Variants in CSMD1 observed in about 807,000 individuals in gnomAD.
CSMD1 encodes the protein CUB and sushi domain-containing protein 1.
Under a neutral mutation model 417.5 loss-of-function variants are expected in CSMD1, and 213 were observed. The observed-to-expected ratio is 0.51, with a 90% CI of 0.46 to 0.57. CSMD1 has a LOEUF of 0.57. Ranked by LOEUF, CSMD1 falls within the 20% of genes least tolerant of loss-of-function variation. The pLI, the probability that CSMD1 is intolerant of heterozygous loss-of-function variation, is 0.00. For missense variants in CSMD1, 6,923 were observed against 4,529.7 expected, an observed-to-expected ratio of 1.53 and a Z score of -15.17; for synonymous variants, 2,862 against 1,736.8, an observed-to-expected ratio of 1.65 and a Z score of -16.11.
chr8:3,378,505 T>A (rs543119465), intron 18 of CSMD1, among the ~76,000 whole-genome samples: 12 of 152,192 alleles, frequency 7.9e-5, no homozygotes, highest in Non-Finnish European at 2.9e-5. Context: ...CTCCATAAAA[T>A]GCTGGCAAAC....
chr8:3,609,993 G>A (rs1172234068), intron 8 of CSMD1, among the ~76,000 whole-genome samples: 2 of 151,670 alleles, frequency 1.3e-5, no homozygotes, highest in Admixed American at 6.6e-5. Flanking sequence ...GTAGAGACAG[G>A]ATTTCAACTT....
rs550504487 is a variant in CSMD1 at position 4,332,614 on chromosome 8, T to C, written c.415+87339A>G. Among the ~76,000 whole-genome samples the C allele has an allele frequency of 6.4e-5, 9 of 140,130 alleles. No individual in the cohort carries two copies. The South Asian group carries it at 1.4e-3, about 22-fold the overall frequency. The allele number at this position is 140,130 out of a possible 152,430, so 91.9% of individuals were successfully genotyped here. ...ACACACACACACACACACAGAGTCATATGCAGAGACATTCAGATACACAGA... is the reference window on the plus strand; with the variant it reads ...ACACACACACACACACACAGAGTCACATGCAGAGACATTCAGATACACAGA... On this transcript the variant is annotated intron_variant, in intron 3 of 69. Coordinates refer to ENST00000635120, the MANE Select transcript of CSMD1 (RefSeq NM_033225.6).
intron 2 of CSMD1, among the ~76,000 whole-genome samples, chr8:4,514,767 A>C (rs192549096): frequency 6.6e-6 from 1 of 152,312 alleles, no homozygotes; most frequent in Non-Finnish European, 1.5e-5. Flanking sequence ...GAGAATAAAG[A>C]AGATACACAC....
intron 5 of CSMD1, among the ~76,000 whole-genome samples, chr8:3,774,475 A>T (rs76899562): frequency 2.4e-4 from 36 of 152,292 alleles, no homozygotes; most frequent in Admixed American, 5.2e-4. Flanking sequence ...CCTGGCTCAT[A>T]GGACAGAGAG....
chr8:3,245,140 G>T (rs1048749611), intron 26 of CSMD1, among the ~76,000 whole-genome samples: 1 of 152,208 alleles, frequency 6.6e-6, no homozygotes, highest in Non-Finnish European at 1.5e-5. Flanking sequence ...CATTAATTGA[G>T]TTTGTATTTA....
chr8:3,265,360 C>G (rs1353837240), intron 26 of CSMD1, among the ~76,000 whole-genome samples: 1 of 152,130 alleles, frequency 6.6e-6, no homozygotes, highest in Admixed American at 6.5e-5. Flanking sequence ...CAGCAACAGC[C>G]AAGCGTGATA....
At chr8:4,219,909 A>G (rs1350914402) in intron 3 of CSMD1, among the ~76,000 whole-genome samples, 1 of 152,200 alleles carries the variant, frequency 6.6e-6, no homozygotes, top group Non-Finnish European at 1.5e-5. Flanking sequence ...TGTACTTGTA[A>G]TATGATGGAG....
intron 1 of CSMD1, among the ~76,000 whole-genome samples, chr8:4,646,953 G>A (rs1213005242): frequency 6.6e-6 from 1 of 152,074 alleles, no homozygotes. Flanking sequence ...AGATATAAAT[G>A]TCCAACACAT....
chr8:4,549,757 T>G (rs532127967), intron 2 of CSMD1, among the ~76,000 whole-genome samples: 2 of 151,034 alleles, frequency 1.3e-5, no homozygotes, highest in African/African-American at 2.4e-5. Flanking sequence ...ATTAGCTGGG[T>G]GTGGTGGTTG....
At chr8:4,304,509 G>T (rs13277448) in intron 3 of CSMD1, among the ~76,000 whole-genome samples, 3 of 152,170 alleles carry the variant, frequency 2.0e-5, no homozygotes, top group Non-Finnish European at 4.4e-5. Context: ...AAGCCTTACT[G>T]TTTCAGTGTC....
chr8:4,241,471 G>A (rs1210086591), intron 3 of CSMD1, among the ~76,000 whole-genome samples: 3 of 152,148 alleles, frequency 2.0e-5, no homozygotes, highest in South Asian at 2.1e-4. Flanking sequence ...TGCAGAAGTC[G>A]CTTCATGCAG....
rs117433285 is a variant in CSMD1 at position 4,054,329 on chromosome 8, G to A, written c.416-22230C>T. 3.1e-3 allele frequency among the ~76,000 whole-genome samples: 468 copies of A among 152,256 alleles called. 13 individuals are homozygous for A. The East Asian group carries it at 0.059, about 19-fold the overall frequency. On this transcript the variant is annotated intron_variant, in intron 3 of 69. Transcript: ENST00000635120. ...CTCTCCTCTCCTCTGGGGAGCTGGG[G>A]TAGGAATGTGTGGTTTGATCTATCT...
At chr8:4,000,321 T>G (rs1419533311) in intron 4 of CSMD1, among the ~76,000 whole-genome samples, 1 of 152,252 alleles carries the variant, frequency 6.6e-6, no homozygotes, top group Non-Finnish European at 1.5e-5. Flanking sequence ...CTCGCCACAG[T>G]TTTTATTACA....
At chr8:3,612,737 A>T (rs1259261226) in intron 8 of CSMD1, among the ~76,000 whole-genome samples, 2 of 152,130 alleles carry the variant, frequency 1.3e-5, no homozygotes, top group Non-Finnish European at 2.9e-5. Flanking sequence ...CAGGAAAATG[A>T]AAACACAGCA....
chr8:3,182,737 T>G (rs1411392602), intron 36 of CSMD1, among the ~76,000 whole-genome samples: 1 of 122,980 alleles, frequency 8.1e-6, no homozygotes, highest in Non-Finnish European at 1.7e-5. Flanking sequence ...GGCTGTCTCT[T>G]TATAAGAAGC....
At chr8:4,480,672 G>C (rs1801049610) in intron 2 of CSMD1, among the ~76,000 whole-genome samples, 1 of 152,214 alleles carries the variant, frequency 6.6e-6, no homozygotes, top group South Asian at 2.1e-4. Flanking sequence ...AACTCCCTAT[G>C]GGTCCTTGTG....
At chr8:3,105,725 A>T (rs1383024853) in intron 46 of CSMD1, among the ~76,000 whole-genome samples, 1 of 152,234 alleles carries the variant, frequency 6.6e-6, no homozygotes, top group South Asian at 2.1e-4. Context: ...ACACCAGCTA[A>T]TTATATGCAT....
chr8:4,313,641 C>T (rs1337534444), intron 3 of CSMD1, among the ~76,000 whole-genome samples: 1 of 151,894 alleles, frequency 6.6e-6, no homozygotes, highest in Non-Finnish European at 1.5e-5. Flanking sequence ...TAAACATCAA[C>T]ACATGTAAAT....
intron 2 of CSMD1, among the ~76,000 whole-genome samples, chr8:4,520,632 G>C (rs1456395100): frequency 6.6e-6 from 1 of 152,148 alleles, no homozygotes; most frequent in Admixed American, 6.6e-5. Flanking sequence ...GTTTAGATAA[G>C]TTATTTCCCC....
Sources: gnomAD v4.1 joint callset for allele counts (sites outside exome capture counted in the v4.1 genomes callset) on GRCh38, gnomAD v4.1.1 for gene constraint, MANE v1.5 for transcripts, NCBI Gene and HGNC (gene_info 2026-07-23, HGNC 2026-07-21) for gene names.